PTPRN2: variants seen among roughly 807,000 people sequenced by gnomAD.
PTPRN2 encodes the protein protein tyrosine phosphatase receptor type N2.
A neutral mutation model predicts 118.8 loss-of-function variants in PTPRN2; 74 were observed. The ratio of observed to expected loss-of-function variants is 0.62; its 90% CI spans 0.52 to 0.76. PTPRN2 has a LOEUF of 0.76. PTPRN2 is among the 30% of genes least tolerant of loss of function. The probability of loss-of-function intolerance (pLI) is 0.00; values close to 1 mark genes in which losing one functional copy is unlikely to be tolerated. For synonymous variants in PTPRN2, 641 were observed against 608.0 expected (o/e 1.05, Z -0.80); for missense variants, 1,481 against 1,394.4 (o/e 1.06, Z -0.99).
chr7:157,925,206 G>A (rs1798906263), intron 11 of PTPRN2, among the ~76,000 whole-genome samples: 2 of 148,770 alleles, frequency 1.3e-5, no homozygotes, highest in African/African-American at 2.5e-5. Flanking sequence ...CATTTAGCAC[G>A]TCAGGCAAAT....
intron 2 of PTPRN2, among the ~76,000 whole-genome samples, chr7:158,345,030 C>T (rs1016555429): frequency 1.3e-5 from 2 of 152,148 alleles, no homozygotes; most frequent in African/African-American, 2.4e-5. Context: ...CACCTGGGAC[C>T]GCAGTGGGCG....
intron 2 of PTPRN2, among the ~76,000 whole-genome samples, chr7:158,330,998 ACACC>A (rs1804283495): frequency 1.2e-5 from 1 of 82,190 alleles, no homozygotes; most frequent in Non-Finnish European, 2.5e-5. Flanking sequence ...ATAAGAGCTG[ACACC>A]CGCAGACGTC....
chr7:157,979,460 C>A (rs561344935), intron 11 of PTPRN2, among the ~76,000 whole-genome samples: 1 of 152,208 alleles, frequency 6.6e-6, no homozygotes, highest in Non-Finnish European at 1.5e-5. Flanking sequence ...CTGGCAACTG[C>A]ACGTTGCTGA....
chr7:157,779,469 G>T lies in PTPRN2; in HGVS notation c.1789-96532C>A, dbSNP rs1213694671. Among the ~76,000 whole-genome samples the T allele has an allele frequency of 1.3e-5, 2 of 152,178 alleles. No homozygotes were observed. The highest frequency in any genetic ancestry group is 2.9e-5 in the Non-Finnish European group (2 of 68,018). Reference sequence around the variant, plus strand: ...CCCTCACCACACACTGCTGCACTGTGCTCCACATCCTGACAGGCAGCAGGA... The same window carrying T: ...CCCTCACCACACACTGCTGCACTGTTCTCCACATCCTGACAGGCAGCAGGA... On this transcript the variant is annotated intron_variant, in intron 12 of 22. Coordinates refer to ENST00000389418, the MANE Select transcript of PTPRN2 (RefSeq NM_002847.5). The surrounding 1 kb of genome is among the most constrained non-coding windows in gnomAD (Gnocchi z 4.7).
intron 3 of PTPRN2, among the ~76,000 whole-genome samples, chr7:158,302,309 T>C (rs1212505952): frequency 6.6e-6 from 1 of 152,210 alleles, no homozygotes; most frequent in East Asian, 1.9e-4. Context: ...TACAGTCTCT[T>C]GCTCCCTGGA....
intron 11 of PTPRN2, among the ~76,000 whole-genome samples, chr7:157,982,525 T>C (rs113864020): frequency 1.4e-3 from 93 of 65,992 alleles, no homozygotes; most frequent in East Asian, 1.7e-3. Flanking sequence ...CCCTGAGTCA[T>C]AGAGACGAGG....
Position 158,166,917 on chromosome 7 carries a change from C to T in PTPRN2, c.910+14G>A, listed in dbSNP as rs377434336. 267 of 1,420,574 alleles carry T rather than the reference C, an allele frequency of 1.9e-4. No homozygotes were observed. The highest frequency in any genetic ancestry group is 2.9e-4 in the South Asian group (18 of 61,110). 88.0% of individuals were successfully genotyped at this position (1,420,574 alleles called of 1,614,324 possible). On this transcript the variant is annotated intron_variant, in intron 6 of 22. Coordinates refer to ENST00000389418, the MANE Select transcript of PTPRN2 (RefSeq NM_002847.5). ...CAGTCAGCAAACAAGAAACACCAAG[C>T]GGGGCTGGCTCACCATCGCCTGTGC...
intron 2 of PTPRN2, among the ~76,000 whole-genome samples, chr7:158,376,181 C>T (rs1395234428): frequency 6.6e-6 from 1 of 152,196 alleles, no homozygotes; most frequent in East Asian, 1.9e-4. Context: ...TCTGTGTGCT[C>T]TCCCTTCCCT....
At chr7:158,397,908 C>T (rs1586572339) in intron 2 of PTPRN2, among the ~76,000 whole-genome samples, 1 of 152,166 alleles carries the variant, frequency 6.6e-6, no homozygotes, top group Non-Finnish European at 1.5e-5. Flanking sequence ...GAGGGTTTTC[C>T]AATGCCATGA....
At chr7:158,075,704 C>T (rs575522961) in intron 11 of PTPRN2, among the ~76,000 whole-genome samples, 30 of 152,228 alleles carry the variant, frequency 2.0e-4, no homozygotes, top group Non-Finnish European at 3.5e-4. Context: ...AGGAGGAGAG[C>T]GTGGTGCTTC....
chr7:158,009,182 G>C (rs976276033), intron 11 of PTPRN2, among the ~76,000 whole-genome samples: 1 of 152,054 alleles, frequency 6.6e-6, no homozygotes, highest in African/African-American at 2.4e-5. Context: ...ACAAGGCGAC[G>C]CTTCAGACAT....
intron 11 of PTPRN2, among the ~76,000 whole-genome samples, chr7:157,981,935 CCT>C (rs1421211633): frequency 1.3e-5 from 2 of 152,282 alleles, no homozygotes; most frequent in Non-Finnish European, 2.9e-5. Context: ...CCCCCAAACC[CCT>C]GAGTCATAAA....
intron 10 of PTPRN2, among the ~76,000 whole-genome samples, chr7:158,091,724 A>T (rs1814145639): frequency 7.4e-6 from 1 of 135,062 alleles, no homozygotes; most frequent in Non-Finnish European, 1.6e-5. Flanking sequence ...GAGCAGAGAG[A>T]TGGTTGGGTG....
intron 10 of PTPRN2, among the ~76,000 whole-genome samples, chr7:158,085,945 TACACGACGCCCATCCACAC>T (rs1389595877): frequency 2.5e-5 from 3 of 120,590 alleles, no homozygotes; most frequent in Admixed American, 1.6e-4. Flanking sequence ...CCCATCCACA[TACACGACGCCCATCCACAC>T]ACACGACGCC....
At chr7:158,351,913 T>A (rs13247249) in intron 2 of PTPRN2, among the ~76,000 whole-genome samples, 12,350 of 27,612 alleles carry the variant, frequency 0.45, 4,063 homozygotes, top group African/African-American at 0.63. Context: ...TCCCCTCCTG[T>A]CCGCTCCCCT....
Position 157,576,936 on chromosome 7 carries a change from G to A in PTPRN2, c.2617-157C>T, listed in dbSNP as rs141994167. On this transcript the variant is annotated intron_variant, in intron 18 of 22. Coordinates refer to ENST00000389418, the MANE Select transcript of PTPRN2 (RefSeq NM_002847.5). Reference sequence around the variant, plus strand: ...GCAGGTGGGTTCCCTCGGCTTCGCGGCCCCCTCCCACCTTCCCAGTGTTAA... The same window carrying A: ...GCAGGTGGGTTCCCTCGGCTTCGCGACCCCCTCCCACCTTCCCAGTGTTAA... Among the ~76,000 whole-genome samples, 110 of 152,332 alleles carry A rather than the reference G, an allele frequency of 7.2e-4. 1 individual carries two copies. The highest frequency in any genetic ancestry group is 6.2e-3 in the South Asian group (30 of 4,830).
intron 4 of PTPRN2, 49 bp from the exon 5 acceptor site, chr7:158,192,544 T>C (rs2150706244): frequency 6.5e-7 from 1 of 1,545,516 alleles, no homozygotes; most frequent in Admixed American, 2.0e-5. Context: ...TGCTGGTGCC[T>C]GGAGCTGCTC....
In PTPRN2 at chr7:158,110,382, G is replaced by C. The variant is rs528533843; in HGVS notation, c.1643+447C>G. Among the ~76,000 whole-genome samples, 22 of 152,334 alleles carry C rather than the reference G, an allele frequency of 1.4e-4. No individual in the cohort carries two copies. In the East Asian group the frequency reaches 3.9e-3, roughly 27 times the overall value. On this transcript the variant is annotated intron_variant, in intron 10 of 22. Coordinates refer to ENST00000389418, the MANE Select transcript of PTPRN2 (RefSeq NM_002847.5). ...TCACGCTGAGACCATGGCCATGCCT[G>C]CCATGGAAGCTGCAGAGACTCGGGA...
At chr7:158,133,338 C>A (rs1328975648) in intron 9 of PTPRN2, among the ~76,000 whole-genome samples, 1 of 152,170 alleles carries the variant, frequency 6.6e-6, no homozygotes, top group African/African-American at 2.4e-5. Context: ...GCCTGGCCGC[C>A]GCTGAAGGTG....
Sources: allele counts gnomAD v4.1 joint callset (sites outside exome capture counted in the v4.1 genomes callset), GRCh38; gene constraint gnomAD v4.1.1; non-coding constraint Gnocchi (gnomAD v3.1); transcripts MANE v1.5; gene names NCBI Gene and HGNC (gene_info 2026-07-23, HGNC 2026-07-21).